PRKD3: variants seen among roughly 807,000 people sequenced by gnomAD.
The protein encoded by PRKD3 is protein kinase D3, also known as serine/threonine-protein kinase D3.
PRKD3 carries 47 observed loss-of-function variants against 99.2 expected under a neutral mutation model. The ratio of observed to expected loss-of-function variants is 0.47; its 90% confidence interval spans 0.38 to 0.60. PRKD3 has a LOEUF of 0.60. Ranked by LOEUF, PRKD3 falls within the 20% of genes least tolerant of loss-of-function variation. PRKD3 has a pLI of 0.00. For synonymous variants in PRKD3, 392 were observed against 355.4 expected, an observed-to-expected ratio of 1.10 and a Z score of -1.16; for missense variants, 1,019 against 1,088.4, an observed-to-expected ratio of 0.94 and a Z score of 0.90.
chr2:37,294,369 T>A (rs1321171343), intron 2 of PRKD3, among the ~76,000 whole-genome samples: 1 of 152,192 alleles, frequency 6.6e-6, no homozygotes, highest in African/African-American at 2.4e-5. Context: ...GTGCTGGGAT[T>A]AGAGGCATGA....
In PRKD3 at chr2:37,316,296, C is replaced by T; in HGVS notation, c.229G>A (p.Ala77Thr). The T allele has an allele frequency of 1.9e-6, 3 of 1,614,218 alleles. No individual in the cohort carries two copies. Among genetic ancestry groups the T allele is most frequent in the Non-Finnish European group, 2.5e-6 (3 of 1,180,044 alleles). Residue 77 changes from alanine to threonine, a missense_variant, in exon 2 of 19, where the codon GCC becomes ACC. Around this residue, in one of 3 missense-constraint regions of PRKD3, gnomAD observed 710 missense variants for 692.7 expected, o/e 1.02. Transcript: ENST00000234179. ...ACAGCAGATAAAGACAGTTCCTGGG[C>T]TTCAATGGTAACACTCTCCCGTGTG... ...GLTRESVTIE[A>T]QELSLSAVKD...
At chr2:37,294,544 A>G (rs137986374) in intron 2 of PRKD3, among the ~76,000 whole-genome samples, 7 of 152,244 alleles carry the variant, frequency 4.6e-5, no homozygotes, top group African/African-American at 1.7e-4. Flanking sequence ...TCTCCTTTTG[A>G]GTCACCAACA....
rs943669971 is a variant in PRKD3, at chr2:37,251,672, G to A, written c.*1505C>T. 1 of 151,596 alleles carries A rather than the reference G, an allele frequency of 6.6e-6. No homozygotes were observed. The highest frequency in any genetic ancestry group is 1.5e-5 in the Non-Finnish European group (1 of 67,922). 9.4% of individuals were successfully genotyped at this position (151,596 alleles called of 1,614,324 possible). ...GGCAACGATAGTTAACACTTTCCTA[G>A]TTTTTAGTTTATTTGACTGCATTCA... On this transcript the variant is annotated 3_prime_UTR_variant, in exon 19 of 19. Transcript: ENST00000234179.
intron 6 of PRKD3, among the ~76,000 whole-genome samples, chr2:37,284,506 T>C (rs1317318100): frequency 1.3e-5 from 2 of 152,236 alleles, no homozygotes; most frequent in Non-Finnish European, 2.9e-5. Flanking sequence ...CAATATTAAC[T>C]ACCTTCATTA....
intron 2 of PRKD3, among the ~76,000 whole-genome samples, chr2:37,310,460 G>A (rs887769958): frequency 6.6e-6 from 1 of 152,158 alleles, no homozygotes; most frequent in Non-Finnish European, 1.5e-5. Context: ...ATAAGTGGTA[G>A]AAATGAACTC....
chr2:37,308,172 G>A (rs1671246623), intron 2 of PRKD3, among the ~76,000 whole-genome samples: 2 of 152,120 alleles, frequency 1.3e-5, no homozygotes, highest in Non-Finnish European at 2.9e-5. Context: ...ACCAATACAT[G>A]AGCTCTATGT....
chr2:37,286,381 G>T lies in PRKD3; in HGVS notation c.718-12C>A. The T allele has an allele frequency of 6.2e-7, 1 of 1,608,700 alleles. No homozygotes were observed. Among genetic ancestry groups the T allele is most frequent in the Non-Finnish European group, 8.5e-7 (1 of 1,175,600 alleles). ...TGGTGGACATGTGACTATAACATAA[G>T]TAATTTTCATAAGTGTAAGTCAATA... is the stretch of plus-strand genomic sequence containing the variant. On this transcript the variant is annotated splice_polypyrimidine_tract_variant and intron_variant, in intron 5 of 18. Transcript: ENST00000234179.
chr2:37,306,063 G>A (rs1191367850), intron 2 of PRKD3, among the ~76,000 whole-genome samples: 1 of 138,350 alleles, frequency 7.2e-6, no homozygotes, highest in African/African-American at 2.7e-5. Flanking sequence ...CTCTTCCTTG[G>A]ATTCTTTTTT....
intron 2 of PRKD3, among the ~76,000 whole-genome samples, chr2:37,306,860 C>A (rs1671192629): frequency 6.6e-6 from 1 of 152,132 alleles, no homozygotes; most frequent in South Asian, 2.1e-4. Context: ...TGTTTAAGAC[C>A]TCAAGCTGCA....
At chr2:37,309,023 G>A (rs1671298603) in intron 2 of PRKD3, among the ~76,000 whole-genome samples, 1 of 151,656 alleles carries the variant, frequency 6.6e-6, no homozygotes, top group Admixed American at 6.6e-5. Flanking sequence ...CTTTAACATT[G>A]TCAGAGTAAA....
intron 6 of PRKD3, among the ~76,000 whole-genome samples, chr2:37,284,097 C>T (rs891314085): frequency 1.3e-5 from 2 of 152,176 alleles, no homozygotes; most frequent in East Asian, 1.9e-4. Context: ...AAAATAAAGA[C>T]AAACAGATTA....
At chr2:37,296,774 C>A (rs1047173168) in intron 2 of PRKD3, among the ~76,000 whole-genome samples, 9 of 151,784 alleles carry the variant, frequency 5.9e-5, no homozygotes, top group Non-Finnish European at 7.4e-5. Flanking sequence ...GTGGCGGGCG[C>A]CTGTAGTCCC....
At chr2:37,265,322 C>T (rs1668762066) in intron 14 of PRKD3, among the ~76,000 whole-genome samples, 1 of 152,100 alleles carries the variant, frequency 6.6e-6, no homozygotes, top group African/African-American at 2.4e-5. Context: ...ATAACTAAAT[C>T]TTATGAAACT....
intron 14 of PRKD3, among the ~76,000 whole-genome samples, chr2:37,263,069 T>C (rs1407930097): frequency 6.6e-6 from 1 of 152,190 alleles, no homozygotes; most frequent in Non-Finnish European, 1.5e-5. Context: ...CTGTTATTCC[T>C]TTCTGCTTTC....
intron 1 of PRKD3, chr2:37,324,310 G>A: frequency 3.9e-6 from 3 of 769,732 alleles, no homozygotes; most frequent in Non-Finnish European, 4.7e-6. Context: ...GGGAGACCCG[G>A]GAACGGATCG....
At chr2:37,272,273 A>G in intron 12 of PRKD3, 107 bp downstream of exon 12, 1 of 1,505,890 alleles carries the variant, frequency 6.6e-7, no homozygotes, top group South Asian at 1.3e-5. Context: ...CGCAAAGTCT[A>G]GCCTAGTACT....
At chr2:37,289,902 T>G (rs565973875) in intron 4 of PRKD3, among the ~76,000 whole-genome samples, 3 of 152,338 alleles carry the variant, frequency 2.0e-5, no homozygotes, top group African/African-American at 7.2e-5. Flanking sequence ...TAGCAAACTA[T>G]GGCCTCTGTA....
intron 2 of PRKD3, among the ~76,000 whole-genome samples, chr2:37,298,788 T>C (rs1287719829): frequency 6.6e-6 from 1 of 152,228 alleles, no homozygotes; most frequent in Non-Finnish European, 1.5e-5. Context: ...TCCTACATCT[T>C]TACTTAATTC....
chr2:37,299,940 G>A (rs1041139902), intron 2 of PRKD3, among the ~76,000 whole-genome samples: 2 of 152,148 alleles, frequency 1.3e-5, no homozygotes, highest in African/African-American at 2.4e-5. Flanking sequence ...TGGTGGGAAT[G>A]TAAATCAGTA....
Sources: gnomAD v4.1 joint callset for allele counts (sites outside exome capture counted in the v4.1 genomes callset) on GRCh38, gnomAD v4.1.1 for gene constraint, gnomAD v4.1.1 regional missense constraint, MANE v1.5 for transcripts, NCBI Gene and HGNC (gene_info 2026-07-23, HGNC 2026-07-21) for gene names.